Variants in ATP6V0E1 observed in about 807,000 individuals in gnomAD.
ATP6V0E1 encodes the protein ATPase H+ transporting V0 subunit e1.
Under a neutral mutation model 11.6 loss-of-function variants are expected in ATP6V0E1, and 4 were observed. The observed-to-expected ratio is 0.35, with a 90% CI of 0.17 to 0.79. The LOEUF is 0.79. Among genes scored for constraint, ATP6V0E1 ranks in the 30% least tolerant of loss-of-function variants. ATP6V0E1 has a pLI of 0.54. For missense variants in ATP6V0E1, 105 were observed against 100.0 expected, an observed-to-expected ratio of 1.05 and a Z score of -0.21; for synonymous variants, 36 against 34.8, an observed-to-expected ratio of 1.04 and a Z score of -0.13.
intron 1 of ATP6V0E1, chr5:172,987,144 A>G: frequency 4.7e-6 from 1 of 210,882 alleles, no homozygotes; most frequent in Non-Finnish European, 9.7e-6. Flanking sequence ...GCTGAAAGTG[A>G]AGGCCATGGG....
chr5:172,985,223 C>A (rs1210957205), intron 1 of ATP6V0E1, among the ~76,000 whole-genome samples: 2 of 137,714 alleles, frequency 1.5e-5, no homozygotes, highest in Non-Finnish European at 1.5e-5. Flanking sequence ...CCAGCCTGGG[C>A]GACAGAGCGA....
chr5:173,018,127 T>C (rs1756431429), intron 2 of ATP6V0E1, among the ~76,000 whole-genome samples: 1 of 152,176 alleles, frequency 6.6e-6, no homozygotes, highest in East Asian at 1.9e-4. Context: ...CCCCCAGATT[T>C]AATTACTAAT....
In ATP6V0E1 at chr5:172,984,110, C is replaced by T. The variant is rs912647396; in HGVS notation, c.104+146C>T. ...GAGTCAGGCCCCCGACCCGGCGGAA[C>T]TCCTTGTGTTCCTTTTCGCAGCAGC... On this transcript the variant is annotated intron_variant, in intron 1 of 3. Coordinates refer to ENST00000519374, the MANE Select transcript of ATP6V0E1 (RefSeq NM_003945.4). 1.1e-5 allele frequency: 8 copies of T among 757,964 alleles called. No individual in the cohort carries two copies. The South Asian group carries it at 1.2e-4, about 12-fold the overall frequency. 47.0% of individuals were successfully genotyped at this position (757,964 alleles called of 1,614,324 possible). A position where few individuals can be genotyped will look rare whatever the true frequency, so the allele number is the denominator to read the frequency against.
At chr5:173,029,850 A>G (rs1436899697) in intron 3 of ATP6V0E1, among the ~76,000 whole-genome samples, 1 of 152,080 alleles carries the variant, frequency 6.6e-6, no homozygotes, top group Non-Finnish European at 1.5e-5. Context: ...CTCTGACTTG[A>G]CTGTCAAGGC....
intron 2 of ATP6V0E1, among the ~76,000 whole-genome samples, chr5:173,009,455 C>A (rs1036328802): frequency 1.8e-4 from 25 of 141,896 alleles, no homozygotes; most frequent in African/African-American, 6.9e-4. Context: ...TAGCCACTTC[C>A]CTTTTTTTTT....
intron 2 of ATP6V0E1, among the ~76,000 whole-genome samples, chr5:173,004,642 G>T (rs946189836): frequency 6.6e-6 from 1 of 152,124 alleles, no homozygotes; most frequent in East Asian, 1.9e-4. Flanking sequence ...GTCCTGGGAG[G>T]TTTCAAATGC....
chr5:172,985,287 C>G (rs1478385140), intron 1 of ATP6V0E1, among the ~76,000 whole-genome samples: 1 of 151,482 alleles, frequency 6.6e-6, no homozygotes, highest in Non-Finnish European at 1.5e-5. Flanking sequence ...TTTACTACTT[C>G]CCTAATATTT....
Position 172,986,816 on chromosome 5 carries a change from TCTCA to T in ATP6V0E1, c.104+2856_104+2859del, listed in dbSNP as rs371876052. 1,646 of 419,016 alleles carry T rather than the reference TCTCA, an allele frequency of 3.9e-3. 10 individuals are homozygous for T. The highest frequency in any genetic ancestry group is 1.0e-2 in the Admixed American group (388 of 38,946). The allele number at this position is 419,016 out of a possible 1,614,324, so 26.0% of individuals were successfully genotyped here. A position where few individuals can be genotyped will look rare whatever the true frequency, so the allele number is the denominator to read the frequency against. On this transcript the variant is annotated intron_variant, in intron 1 of 3. Transcript: ENST00000519374. ...TTGTTTGTTTGTTTTTGAGACAGAG[TCTCA>T]CTCTGTCGCCAGGCTGGAGTGCAGT... is the stretch of plus-strand genomic sequence containing the variant.
chr5:173,020,304 C>G lies in ATP6V0E1; in HGVS notation c.219C>G (p.Ile73Met), dbSNP rs780911918. The change falls in exon 3 of 4, where the codon ATC (isoleucine) becomes ATG (methionine). Residue 73 changes from isoleucine (I) to methionine (M), a missense_variant. Coordinates refer to ENST00000519374, the MANE Select transcript of ATP6V0E1 (RefSeq NM_003945.4). ...LFGPQLKNET[I>M]WYLKYHWP ...GACCGCAATTGAAAAATGAAACCAT[C>G]TGGTATCTGAAGTATCATTGGCCTT... The G allele has an allele frequency of 1.9e-6, 3 of 1,613,670 alleles. No individual in the cohort carries two copies. In the African/African-American group the frequency reaches 4.0e-5, roughly 22 times the overall value.
intron 3 of ATP6V0E1, among the ~76,000 whole-genome samples, chr5:173,022,325 A>T (rs963772047): frequency 6.6e-6 from 1 of 152,278 alleles, no homozygotes; most frequent in South Asian, 2.1e-4. Context: ...AGTAAGGCTG[A>T]TGTGATCACT....
chr5:173,018,566 C>T lies in ATP6V0E1; in HGVS notation c.153-1672C>T, dbSNP rs545988696. On this transcript the variant is annotated intron_variant, in intron 2 of 3. Transcript: ENST00000519374. The stretch of plus-strand genomic sequence containing the variant: ...AGGCAGTGTGTATTCTGCTTCATTC[C>T]CCTGTCTGTCTTCCTCCTTCCCTGA... Among the ~76,000 whole-genome samples the T allele has an allele frequency of 1.1e-4, 17 of 152,248 alleles. 1 individual carries two copies. The South Asian group carries it at 3.1e-3, about 28-fold the overall frequency.
rs546056600 is a variant in ATP6V0E1, at chr5:173,028,480, G to T, written c.*37-5919G>T. 3.9e-5 allele frequency among the ~76,000 whole-genome samples: 6 copies of T among 152,340 alleles called. No homozygotes were observed. In the South Asian group the frequency reaches 1.2e-3, roughly 32 times the overall value. ...GTACATGATTCCTTTTAAGAGGCCA[G>T]ATTTGGAAAGTAGGTGTAAGCCAGA... On this transcript the variant is annotated intron_variant, in intron 3 of 3. Coordinates refer to ENST00000519374, the MANE Select transcript of ATP6V0E1 (RefSeq NM_003945.4).
intron 1 of ATP6V0E1, among the ~76,000 whole-genome samples, chr5:172,989,331 C>A (rs1312740101): frequency 1.3e-5 from 2 of 151,958 alleles, no homozygotes; most frequent in African/African-American, 4.8e-5. Flanking sequence ...AGAGTGAGAC[C>A]CCATCCCTTA....
At chr5:173,020,426 C>T (rs1581634539) in intron 3 of ATP6V0E1, 59 bp downstream of exon 3, 3 of 1,051,208 alleles carry the variant, frequency 2.9e-6, no homozygotes, top group East Asian at 2.5e-5. Context: ...TTTGCCTTGA[C>T]TTTTTCTCAC....
intron 1 of ATP6V0E1, among the ~76,000 whole-genome samples, chr5:172,988,720 CCT>C (rs1250537802): frequency 6.6e-6 from 1 of 152,054 alleles, no homozygotes; most frequent in Non-Finnish European, 1.5e-5. Flanking sequence ...AGACAGTCTT[CCT>C]CTGTTGCCCA....
At position 173,008,073 on chromosome 5, in the gene ATP6V0E1, C is replaced by T. The variant is rs538935092; in HGVS notation, c.153-12165C>T. Among the ~76,000 whole-genome samples, 174 of 152,254 alleles carry T rather than the reference C, an allele frequency of 1.1e-3. 1 individual carries two copies. The Middle Eastern group carries it at 0.017, about 15-fold the overall frequency. On this transcript the variant is annotated intron_variant, in intron 2 of 3. Coordinates refer to ENST00000519374, the MANE Select transcript of ATP6V0E1 (RefSeq NM_003945.4). Reference sequence around the variant, plus strand: ...GTTCTCACACCCACTCCGCGACCTCCGGCCTACGCCTGAAATGTCCCTCCA... The same window carrying T: ...GTTCTCACACCCACTCCGCGACCTCTGGCCTACGCCTGAAATGTCCCTCCA...
intron 3 of ATP6V0E1, among the ~76,000 whole-genome samples, chr5:173,034,176 T>C (rs1756705686): frequency 6.6e-6 from 1 of 152,246 alleles, no homozygotes; most frequent in African/African-American, 2.4e-5. Flanking sequence ...CATAGAGTGT[T>C]ACTTGTGCTC....
chr5:173,024,867 A>G (rs1319968932), intron 3 of ATP6V0E1, among the ~76,000 whole-genome samples: 1 of 141,566 alleles, frequency 7.1e-6, no homozygotes, highest in Admixed American at 7.3e-5. Context: ...TTTTTGAGAC[A>G]GAATCTCGCT....
chr5:173,031,657 A>C (rs1459998719), intron 3 of ATP6V0E1, among the ~76,000 whole-genome samples: 1 of 151,670 alleles, frequency 6.6e-6, no homozygotes, highest in East Asian at 2.0e-4. Flanking sequence ...TCTCTACTAA[A>C]AAATACAAAA....
Sources: allele counts gnomAD v4.1 joint callset (sites outside exome capture counted in the v4.1 genomes callset), GRCh38; gene constraint gnomAD v4.1.1; transcripts MANE v1.5; gene names NCBI Gene and HGNC (gene_info 2026-07-23, HGNC 2026-07-21).